The following BANK1 variants were observed in gnomAD, a reference collection of about 807,000 sequenced individuals.
BANK1 encodes the protein B cell scaffold protein with ankyrin repeats 1, also known as B-cell scaffold protein with ankyrin repeats.
A neutral mutation model predicts 94.5 loss-of-function variants in BANK1; 95 were observed. That is an observed-to-expected ratio of 1.00 (90% CI 0.85 to 1.19). The LOEUF (loss-of-function observed/expected upper bound fraction) is 1.19, where lower values mean the gene tolerates loss of function less well. Ranked by LOEUF, BANK1 falls within the 50% of genes most tolerant of loss-of-function variation. The pLI is 0.00. For synonymous variants in BANK1, 334 were observed against 308.4 expected, an observed-to-expected ratio of 1.08 and a Z score of -0.87; for missense variants, 987 against 932.2, an observed-to-expected ratio of 1.06 and a Z score of -0.77.
At chr4:101,848,890 A>G (rs1727354731) in intron 2 of BANK1, among the ~76,000 whole-genome samples, 1 of 152,052 alleles carries the variant, frequency 6.6e-6, no homozygotes, top group South Asian at 2.1e-4. Flanking sequence ...ATGCCCTTCT[A>G]GCATCCTCCC....
intron 7 of BANK1, among the ~76,000 whole-genome samples, chr4:101,926,060 C>A (rs542706816): frequency 4.6e-5 from 7 of 151,688 alleles, no homozygotes; most frequent in Non-Finnish European, 7.4e-5. Context: ...TCTCCATTAA[C>A]TGGCTTTGAA....
chr4:102,014,016 AAG>A (rs1257328565), intron 7 of BANK1, among the ~76,000 whole-genome samples: 1 of 152,120 alleles, frequency 6.6e-6, no homozygotes, highest in African/African-American at 2.4e-5. Context: ...CAGAGAGGCC[AAG>A]AGAGAAGGAT....
At chr4:102,071,537 G>A (rs576148097) in intron 14 of BANK1, among the ~76,000 whole-genome samples, 1 of 152,320 alleles carries the variant, frequency 6.6e-6, no homozygotes, top group African/African-American at 2.4e-5. Context: ...TGGAATTCTT[G>A]ATTGATCCTG....
At chr4:102,027,063 T>C (rs1727130203) in intron 9 of BANK1, among the ~76,000 whole-genome samples, 1 of 152,166 alleles carries the variant, frequency 6.6e-6, no homozygotes, top group Non-Finnish European at 1.5e-5. Flanking sequence ...ATCCATGAAG[T>C]AGATATATTA....
At chr4:102,040,186 A>C (rs1437566228) in intron 10 of BANK1, among the ~76,000 whole-genome samples, 2 of 152,012 alleles carry the variant, frequency 1.3e-5, no homozygotes, top group Non-Finnish European at 2.9e-5. Context: ...AACTCATTAA[A>C]TTTCACCTTC....
At chr4:101,871,823 G>A (rs1407800225) in intron 5 of BANK1, among the ~76,000 whole-genome samples, 1 of 152,176 alleles carries the variant, frequency 6.6e-6, no homozygotes, top group East Asian at 1.9e-4. Flanking sequence ...AAGTAAAGTA[G>A]TCTCCAAACA....
intron 1 of BANK1, among the ~76,000 whole-genome samples, chr4:101,808,471 A>G (rs1358992040): frequency 1.3e-5 from 2 of 152,174 alleles, no homozygotes; most frequent in African/African-American, 2.4e-5. Flanking sequence ...AATATCTACA[A>G]TGTAAGCTAG....
At position 102,063,116 on chromosome 4, in the gene BANK1, G is replaced by T; in HGVS notation, c.2190G>T (p.Arg730Ser). Residue 730 changes from arginine (R) to serine (S), a missense_variant, in exon 13 of 17, where the codon AGG (arginine) becomes AGT (serine). Transcript: ENST00000322953. ...TACGAGACTGCATTATTGGGAAAAG[G>T]CCAGAAGAAGAAAATGTCTATAGTA... Reference protein sequence around the residue: ...RQLRDCIIGKRPEEENVYNKL... With the variant: ...RQLRDCIIGKSPEEENVYNKL... The T allele has an allele frequency of 6.2e-7, 1 of 1,613,422 alleles. No homozygotes were observed. The highest frequency in any genetic ancestry group is 8.5e-7 in the Non-Finnish European group (1 of 1,179,516).
chr4:102,064,033 C>T (rs964738985), intron 13 of BANK1, among the ~76,000 whole-genome samples: 1 of 152,076 alleles, frequency 6.6e-6, no homozygotes, highest in African/African-American at 2.4e-5. Context: ...ATAAACAACA[C>T]ATTCCAAAAT....
chr4:101,895,190 A>G (rs1722018831), intron 5 of BANK1, 115 bp from the exon 6 acceptor site: 2 of 550,862 alleles, frequency 3.6e-6, no homozygotes, highest in South Asian at 2.7e-5. Flanking sequence ...TATCAGTATT[A>G]CTAAAGATTA....
At chr4:101,854,340 T>G (rs1001289454) in intron 2 of BANK1, among the ~76,000 whole-genome samples, 3 of 152,212 alleles carry the variant, frequency 2.0e-5, no homozygotes, top group East Asian at 1.9e-4. Context: ...AATGTTTTAA[T>G]GATTAAGACT....
intron 7 of BANK1, among the ~76,000 whole-genome samples, chr4:101,990,752 T>C: frequency 6.6e-6 from 1 of 152,138 alleles, no homozygotes; most frequent in East Asian, 1.9e-4. Context: ...TGCAATATAT[T>C]TTGAAACATT....
intron 7 of BANK1, among the ~76,000 whole-genome samples, chr4:102,020,177 T>C (rs1279447229): frequency 6.6e-6 from 1 of 151,510 alleles, no homozygotes; most frequent in African/African-American, 2.4e-5. Flanking sequence ...AATAAATTAG[T>C]AAAAAAAAAT....
intron 6 of BANK1, among the ~76,000 whole-genome samples, chr4:101,896,070 T>G (rs780724213): frequency 6.6e-6 from 1 of 151,998 alleles, no homozygotes; most frequent in Non-Finnish European, 1.5e-5. Flanking sequence ...AGTCTGTATT[T>G]TCTACAACTG....
chr4:101,918,177 C>A lies in BANK1; in HGVS notation c.1194C>A (p.Phe398Leu). The change falls in exon 7 of 17, where the codon TTC (phenylalanine) becomes TTA (leucine). Residue 398 changes from phenylalanine to leucine, a missense_variant. Physicochemically the swap from Phe to Leu is conservative, Grantham distance 22 (BLOSUM62 0). Coordinates refer to ENST00000322953, the MANE Select transcript of BANK1 (RefSeq NM_017935.5). The part of the protein sequence containing the change: ...RHGHKELKKI[F>L]EDFSIQEIDI... The stretch of plus-strand genomic sequence containing the variant: ...GTCACAAAGAACTCAAGAAAATCTT[C>A]GAAGACTTTTCAGTAAGTTTTTTTT... The A allele has an allele frequency of 6.4e-7, 1 of 1,565,238 alleles. No individual in the cohort carries two copies.
intron 7 of BANK1, among the ~76,000 whole-genome samples, chr4:101,942,607 C>G (rs893459149): frequency 6.6e-6 from 1 of 151,808 alleles, no homozygotes; most frequent in African/African-American, 2.4e-5. Context: ...TGAGCTCTTT[C>G]TTTACAAAAG....
At chr4:102,057,151 A>G (rs140751355) in intron 11 of BANK1, among the ~76,000 whole-genome samples, 3 of 152,306 alleles carry the variant, frequency 2.0e-5, no homozygotes, top group Non-Finnish European at 2.9e-5. Context: ...ACCTGAGCTT[A>G]TATACCTACC....
At chr4:101,947,997 C>T (rs1173200620) in intron 7 of BANK1, among the ~76,000 whole-genome samples, 1 of 151,918 alleles carries the variant, frequency 6.6e-6, no homozygotes, top group Non-Finnish European at 1.5e-5. Context: ...ATGAATATGT[C>T]CTTAATATAT....
chr4:101,813,195 AG>A (rs1398418382), intron 1 of BANK1, among the ~76,000 whole-genome samples: 1 of 152,170 alleles, frequency 6.6e-6, no homozygotes, highest in Non-Finnish European at 1.5e-5. Context: ...GTCCGTAAAT[AG>A]ATGATTTGGC....
Sources: allele counts gnomAD v4.1 joint callset (sites outside exome capture counted in the v4.1 genomes callset), GRCh38; gene constraint gnomAD v4.1.1; transcripts MANE v1.5; gene names NCBI Gene and HGNC (gene_info 2026-07-23, HGNC 2026-07-21).